The following FRMD4A variants were observed in gnomAD, a reference collection of about 807,000 sequenced individuals.
FRMD4A encodes the protein FERM domain containing 4A, also known as FERM domain-containing protein 4A.
In FRMD4A, 29 loss-of-function variants were observed where a neutral mutation model predicts 129.1. The ratio of observed to expected loss-of-function variants is 0.22; its 90% CI spans 0.17 to 0.31. FRMD4A has a LOEUF of 0.31. Among genes scored for constraint, FRMD4A ranks in the 10% least tolerant of loss-of-function variants. The pLI, the probability that FRMD4A is intolerant of heterozygous loss-of-function variation, is 1.00. For missense variants in FRMD4A, 1,272 were observed against 1,375.8 expected, an observed-to-expected ratio of 0.92 and a Z score of 1.19; for synonymous variants, 634 against 571.6, an observed-to-expected ratio of 1.11 and a Z score of -1.56.
At chr10:14,246,053 G>A (rs1844225140) in intron 2 of FRMD4A, among the ~76,000 whole-genome samples, 1 of 152,132 alleles carries the variant, frequency 6.6e-6, no homozygotes, top group African/African-American at 2.4e-5. Context: ...GAGACTCAAG[G>A]GCTGTCTGCC....
At chr10:14,206,762 G>A (rs1362431827) in intron 2 of FRMD4A, among the ~76,000 whole-genome samples, 4 of 129,188 alleles carry the variant, frequency 3.1e-5, no homozygotes, top group Non-Finnish European at 6.1e-5. Context: ...AGCTGAGATC[G>A]CGCCACTACA....
At chr10:13,884,124 A>ACACT (rs2094579054) in intron 2 of FRMD4A, among the ~76,000 whole-genome samples, 1 of 85,802 alleles carries the variant, frequency 1.2e-5, no homozygotes, top group Non-Finnish European at 2.2e-5. Flanking sequence ...ACACACACTC[A>ACACT]CACACACGCT....
chr10:14,116,829 A>G (rs1438877038), intron 2 of FRMD4A, among the ~76,000 whole-genome samples: 3 of 152,228 alleles, frequency 2.0e-5, no homozygotes, highest in Non-Finnish European at 2.9e-5. Context: ...TTGGCCTAGC[A>G]AAGCTACACC....
chr10:13,979,640 A>G (rs994215115), intron 2 of FRMD4A, among the ~76,000 whole-genome samples: 2 of 152,172 alleles, frequency 1.3e-5, no homozygotes, highest in Admixed American at 6.5e-5. Flanking sequence ...GGGGTATTAC[A>G]TTGTTTATAG....
chr10:14,134,722 G>T (rs1424502825), intron 2 of FRMD4A, among the ~76,000 whole-genome samples: 1 of 152,124 alleles, frequency 6.6e-6, no homozygotes, highest in Middle Eastern at 3.2e-3. Context: ...TGGATGGATG[G>T]GTGGATAAGT....
chr10:14,174,562 A>G (rs56355152), intron 2 of FRMD4A, among the ~76,000 whole-genome samples: 38,787 of 151,064 alleles, frequency 0.26, 5,085 homozygotes, highest in Admixed American at 0.31. Flanking sequence ...TCATTCATTC[A>G]TTCGTTCATC....
chr10:14,300,023 C>T (rs1472991439), intron 2 of FRMD4A, among the ~76,000 whole-genome samples: 1 of 151,932 alleles, frequency 6.6e-6, no homozygotes, highest in Non-Finnish European at 1.5e-5. Flanking sequence ...GAACAAATTT[C>T]TCCCCAGAAT....
intron 2 of FRMD4A, among the ~76,000 whole-genome samples, chr10:14,125,216 T>C (rs1346477094): frequency 1.3e-5 from 2 of 152,208 alleles, no homozygotes; most frequent in Non-Finnish European, 2.9e-5. Flanking sequence ...GCAGCTTGCC[T>C]CTCTGTTCTT....
Position 14,011,429 on chromosome 10 carries a change from G to C in FRMD4A, c.46-152517C>G, listed in dbSNP as rs115779152. On this transcript the variant is annotated intron_variant, in intron 2 of 24. Transcript: ENST00000357447. ...GGGCCAGGTCACCTAGTGGAGTCTA[G>C]AACCTTGGAGACCCATCCAGTGGGA... Among the ~76,000 whole-genome samples the C allele has an allele frequency of 4.9e-3, 748 of 152,210 alleles. 4 individuals carry two copies. The highest frequency in any genetic ancestry group is 0.017 in the African/African-American group (710 of 41,524).
At chr10:14,116,127 C>T (rs10906599) in intron 2 of FRMD4A, among the ~76,000 whole-genome samples, 22,347 of 152,212 alleles carry the variant, frequency 0.15, 1,764 homozygotes, top group Non-Finnish European at 0.19. Context: ...TGTTTTTCTC[C>T]TCGGGCTATT....
chr10:13,775,067 G>T (rs1167542142), intron 6 of FRMD4A, among the ~76,000 whole-genome samples: 2 of 152,092 alleles, frequency 1.3e-5, no homozygotes, highest in Admixed American at 1.3e-4. Flanking sequence ...GACAGAGATA[G>T]ACAGCTGGAG....
chr10:14,235,152 G>C (rs61836093), intron 2 of FRMD4A, among the ~76,000 whole-genome samples: 12,890 of 60,224 alleles, frequency 0.21, 613 homozygotes, highest in Middle Eastern at 0.34. Context: ...GGTAACCTAA[G>C]CTGTCTTTTT....
intron 2 of FRMD4A, among the ~76,000 whole-genome samples, chr10:14,250,594 A>G (rs921529024): frequency 2.6e-5 from 4 of 152,214 alleles, no homozygotes; most frequent in African/African-American, 9.6e-5. Context: ...CCTCTCAGCC[A>G]TATGTCAGAC....
chr10:13,958,012 C>T (rs182138001), intron 2 of FRMD4A, among the ~76,000 whole-genome samples: 152 of 152,248 alleles, frequency 1.0e-3, no homozygotes, highest in Admixed American at 1.9e-3. Flanking sequence ...ATCCTGCTCT[C>T]GGCACAGCTT....
chr10:13,700,418 C>T (rs1236934785), intron 14 of FRMD4A, among the ~76,000 whole-genome samples: 2 of 152,210 alleles, frequency 1.3e-5, no homozygotes, highest in Non-Finnish European at 2.9e-5. Flanking sequence ...GAGCATCTTG[C>T]CACCTTCTCC....
rs1230133607 is a variant in FRMD4A at position 13,836,822 on chromosome 10, A to G, written c.111+22025T>C. On this transcript the variant is annotated intron_variant, in intron 3 of 24. Transcript: ENST00000357447. ...GCCAAGGCTGGAGTGCAGTGGCACGATCTGGGCTCACTGCAAGCTCTGCCT... is the reference window on the plus strand; with the variant it reads ...GCCAAGGCTGGAGTGCAGTGGCACGGTCTGGGCTCACTGCAAGCTCTGCCT... Among the ~76,000 whole-genome samples the G allele has an allele frequency of 2.1e-5, 3 of 141,248 alleles. No individual in the cohort carries two copies. The East Asian group carries it at 6.4e-4, about 30-fold the overall frequency. 92.7% of individuals were successfully genotyped at this position (141,248 alleles called of 152,430 possible).
intron 2 of FRMD4A, among the ~76,000 whole-genome samples, chr10:14,042,879 C>T (rs1379132494): frequency 3.8e-5 from 5 of 130,688 alleles, no homozygotes; most frequent in Non-Finnish European, 6.1e-5. Flanking sequence ...AAGCCAAGAT[C>T]GTACCACTGC....
rs368358189 is a variant in FRMD4A at position 13,700,279 on chromosome 10, C to CCA, written c.975+1060_975+1061insTG. 7.3e-4 allele frequency among the ~76,000 whole-genome samples: 106 copies of CCA among 145,636 alleles called. No homozygotes were observed. The East Asian group carries it at 0.018, about 25-fold the overall frequency. On this transcript the variant is annotated intron_variant, in intron 14 of 24. Coordinates refer to ENST00000357447, the MANE Select transcript of FRMD4A (RefSeq NM_018027.5). ...TCTTTTCTTTCTCTTATCACCTCCC[C>CCA]CTTGACCCCCAATTCGCTCACTCTC...
chr10:13,654,751 T>A, intron 22 of FRMD4A: 1 of 551,390 alleles, frequency 1.8e-6, no homozygotes, highest in Non-Finnish European at 3.2e-6. Flanking sequence ...CCCACTACCA[T>A]GCACCTTCAT....
Sources: gnomAD v4.1 joint callset for allele counts (sites outside exome capture counted in the v4.1 genomes callset) on GRCh38, gnomAD v4.1.1 for gene constraint, MANE v1.5 for transcripts, NCBI Gene and HGNC (gene_info 2026-07-23, HGNC 2026-07-21) for gene names.